SGCZ: variants seen among roughly 807,000 people sequenced by gnomAD.
The protein encoded by SGCZ is zeta-sarcoglycan.
Under a neutral mutation model 41.3 loss-of-function variants are expected in SGCZ, and 40 were observed. That is an observed-to-expected ratio of 0.97 (90% CI 0.75 to 1.26). The LOEUF is 1.26. SGCZ is among the 50% of genes most tolerant of loss of function. The pLI is 0.00. For synonymous variants in SGCZ, 206 were observed against 137.5 expected, an observed-to-expected ratio of 1.50 and a Z score of -3.49; for missense variants, 552 against 369.8, an observed-to-expected ratio of 1.49 and a Z score of -4.04.
rs559584800 is a variant in SGCZ at position 15,120,824 on chromosome 8, C to T, written c.39+116761G>A. ...AACTTTTACAACATTAAATCACTGT[C>T]CTATTTGCATATGAATACCTTGTAA... On this transcript the variant is annotated intron_variant, in intron 1 of 7. Coordinates refer to ENST00000382080, the MANE Select transcript of SGCZ (RefSeq NM_139167.4). 9.9e-5 allele frequency among the ~76,000 whole-genome samples: 15 copies of T among 152,248 alleles called. No homozygotes were observed. In the South Asian group the frequency reaches 3.1e-3, roughly 32 times the overall value.
intron 1 of SGCZ, among the ~76,000 whole-genome samples, chr8:14,559,904 A>G (rs1327298128): frequency 1.3e-5 from 2 of 152,132 alleles, no homozygotes; most frequent in Non-Finnish European, 2.9e-5. Flanking sequence ...TTTCTTAATT[A>G]AACTCTGATT....
intron 2 of SGCZ, among the ~76,000 whole-genome samples, chr8:14,488,751 C>T (rs1801754258): frequency 7.1e-6 from 1 of 140,174 alleles, no homozygotes; most frequent in Admixed American, 7.3e-5. Flanking sequence ...AACTCTCCTG[C>T]CTTTTGTTTC....
intron 2 of SGCZ, among the ~76,000 whole-genome samples, chr8:14,521,151 T>C (rs1031345096): frequency 6.6e-6 from 1 of 152,138 alleles, no homozygotes; most frequent in African/African-American, 2.4e-5. Context: ...AGGTAGAATA[T>C]TTCCATCACC....
intron 1 of SGCZ, among the ~76,000 whole-genome samples, chr8:15,156,959 A>AG (rs1563155851): frequency 2.0e-5 from 3 of 150,592 alleles, no homozygotes; most frequent in Non-Finnish European, 4.4e-5. Context: ...AAAAAAAAAA[A>AG]GAAAAGAAAA....
At chr8:14,391,818 T>TGGGGAGGTTTC (rs1804786221) in intron 2 of SGCZ, among the ~76,000 whole-genome samples, 1 of 152,156 alleles carries the variant, frequency 6.6e-6, no homozygotes. Flanking sequence ...TAGCAGCTTC[T>TGGGGAGGTTTC]GGGGAGGTTT....
Position 14,087,652 on chromosome 8 carries a change from A to C in SGCZ, c.*2791T>G, listed in dbSNP as rs1028494366. The stretch of plus-strand genomic sequence containing the variant: ...TTTATTTATACATATTGTAACATAA[A>C]GATGGTACTGGGAAAACATAATCTG... On this transcript the variant is annotated 3_prime_UTR_variant, in exon 8 of 8. Transcript: ENST00000382080. Among the ~76,000 whole-genome samples, 9 of 151,660 alleles carry C rather than the reference A, an allele frequency of 5.9e-5. No homozygotes were observed. Among genetic ancestry groups the C allele is most frequent in the Non-Finnish European group, 1.2e-4 (8 of 67,752 alleles).
intron 1 of SGCZ, among the ~76,000 whole-genome samples, chr8:14,682,495 T>C (rs12541882): frequency 0.19 from 29,174 of 149,754 alleles, 3,521 homozygotes; most frequent in East Asian, 0.44. Flanking sequence ...AGTGCAGTGG[T>C]GCAATCACGG....
At chr8:15,116,453 G>A (rs1370438735) in intron 1 of SGCZ, among the ~76,000 whole-genome samples, 2 of 152,136 alleles carry the variant, frequency 1.3e-5, no homozygotes, top group East Asian at 3.9e-4. Flanking sequence ...AGAAGTGAGT[G>A]AAAAGTTTAG....
intron 1 of SGCZ, among the ~76,000 whole-genome samples, chr8:14,740,323 T>G (rs1799163772): frequency 6.6e-6 from 1 of 151,730 alleles, no homozygotes; most frequent in Non-Finnish European, 1.5e-5. Context: ...ACAGTGACCT[T>G]GACTGTGCTA....
At chr8:15,181,074 A>G (rs1322826472) in intron 1 of SGCZ, among the ~76,000 whole-genome samples, 2 of 152,184 alleles carry the variant, frequency 1.3e-5, no homozygotes, top group African/African-American at 4.8e-5. Flanking sequence ...TTGCCACTCA[A>G]TAAAAAGCCA....
At chr8:15,135,807 T>A (rs1026031207) in intron 1 of SGCZ, among the ~76,000 whole-genome samples, 1 of 152,126 alleles carries the variant, frequency 6.6e-6, no homozygotes, top group Non-Finnish European at 1.5e-5. Context: ...GCAACTTTTA[T>A]TGAAGTGGTA....
Position 15,222,329 on chromosome 8 carries a change from C to A in SGCZ, c.39+15256G>T, listed in dbSNP as rs562347535. ...TTCACCATCCCCCAAGCAGTTATGG[C>A]TAAGTAGCCCAACTCAAGAAGTTAA... On this transcript the variant is annotated intron_variant, in intron 1 of 7. Transcript: ENST00000382080. Among the ~76,000 whole-genome samples the A allele has an allele frequency of 5.5e-4, 83 of 152,130 alleles. 2 individuals carry two copies. In the South Asian group the frequency reaches 0.017, roughly 31 times the overall value.
intron 3 of SGCZ, among the ~76,000 whole-genome samples, chr8:14,301,214 T>G (rs576048985): frequency 6.6e-6 from 1 of 152,114 alleles, no homozygotes; most frequent in African/African-American, 2.4e-5. Context: ...TTTACGTATC[T>G]GATTCCCCAA....
At chr8:14,677,479 G>A (rs1808313321) in intron 1 of SGCZ, among the ~76,000 whole-genome samples, 2 of 152,026 alleles carry the variant, frequency 1.3e-5, no homozygotes, top group Admixed American at 6.6e-5. Context: ...ACAACAAACT[G>A]ATTCTATATG....
At chr8:14,102,890 A>G (rs910138219) in intron 6 of SGCZ, among the ~76,000 whole-genome samples, 2 of 152,172 alleles carry the variant, frequency 1.3e-5, no homozygotes, top group African/African-American at 4.8e-5. Context: ...TGGAGGTTTA[A>G]TAAAAAATTT....
intron 1 of SGCZ, among the ~76,000 whole-genome samples, chr8:14,625,318 G>A: frequency 6.6e-6 from 1 of 152,074 alleles, no homozygotes; most frequent in East Asian, 1.9e-4. Flanking sequence ...ACATTTTTCA[G>A]AAGCAGCTTC....
chr8:14,168,714 T>C (rs1268634708), intron 4 of SGCZ, among the ~76,000 whole-genome samples: 2 of 152,140 alleles, frequency 1.3e-5, no homozygotes, highest in African/African-American at 2.4e-5. Context: ...CTAATACGCA[T>C]TGTGAGTTCT....
chr8:14,391,073 C>T (rs1804753002), intron 2 of SGCZ, among the ~76,000 whole-genome samples: 1 of 152,042 alleles, frequency 6.6e-6, no homozygotes, highest in Non-Finnish European at 1.5e-5. Flanking sequence ...TCAAACACAA[C>T]TCCATAGTAA....
chr8:14,599,659 C>T (rs1374741152), intron 1 of SGCZ, among the ~76,000 whole-genome samples: 3 of 152,174 alleles, frequency 2.0e-5, no homozygotes, highest in Non-Finnish European at 4.4e-5. Context: ...GCATATTCAT[C>T]TATACCCATA....
Sources: gnomAD v4.1 joint callset for allele counts (sites outside exome capture counted in the v4.1 genomes callset) on GRCh38, gnomAD v4.1.1 for gene constraint, MANE v1.5 for transcripts, NCBI Gene and HGNC (gene_info 2026-07-23, HGNC 2026-07-21) for gene names.